Variants in RALGAPB observed in about 807,000 individuals in gnomAD.
RALGAPB encodes the protein Ral GTPase activating protein non-catalytic subunit beta.
A neutral mutation model predicts 161.1 loss-of-function variants in RALGAPB; 25 were observed. The ratio of observed to expected loss-of-function variants is 0.16; its 90% CI spans 0.11 to 0.22. RALGAPB has a LOEUF of 0.22. Among genes scored for constraint, RALGAPB ranks in the 10% least tolerant of loss-of-function variants. The pLI is 1.00. For synonymous variants in RALGAPB, 629 were observed against 626.1 expected (o/e 1.00, Z -0.07); for missense variants, 1,391 against 1,815.2 (o/e 0.77, Z 4.25).
At chr20:38,497,556 C>T (rs372066956) in intron 4 of RALGAPB, 40 bp downstream of exon 4, 4 of 1,569,016 alleles carry the variant, frequency 2.5e-6, no homozygotes, top group African/African-American at 2.8e-5. Flanking sequence ...TTCTGAGCTC[C>T]AAATACAGTT....
chr20:38,550,954 T>C (rs1238764809), intron 20 of RALGAPB, 117 bp from the exon 21 acceptor site: 1 of 1,246,506 alleles, frequency 8.0e-7, no homozygotes, highest in South Asian at 1.5e-5. Context: ...TCTGAGTGAG[T>C]TTTTGTGACA....
At chr20:38,479,655 T>C (rs1342017971) in intron 1 of RALGAPB, among the ~76,000 whole-genome samples, 3 of 152,232 alleles carry the variant, frequency 2.0e-5, no homozygotes, top group African/African-American at 7.2e-5. Flanking sequence ...CCATTATATT[T>C]ACTTCTGGAG....
At chr20:38,569,618 T>G (rs1033867584) in intron 26 of RALGAPB, 3 of 359,744 alleles carry the variant, frequency 8.3e-6, no homozygotes, top group African/African-American at 6.1e-5. Context: ...TGTGTAAATT[T>G]TGTTTTTATT....
chr20:38,500,442 C>T (rs773589273), intron 5 of RALGAPB, among the ~76,000 whole-genome samples: 4 of 152,124 alleles, frequency 2.6e-5, no homozygotes, highest in Non-Finnish European at 4.4e-5. Context: ...TAGAGTGCCA[C>T]GTACTACACC....
intron 1 of RALGAPB, among the ~76,000 whole-genome samples, chr20:38,484,677 A>G (rs560530341): frequency 1.3e-5 from 2 of 152,148 alleles, no homozygotes; most frequent in African/African-American, 2.4e-5. Context: ...CATTCCTTCT[A>G]GGTGACAGCT....
intron 23 of RALGAPB, among the ~76,000 whole-genome samples, chr20:38,562,027 C>CT (rs1482637359): frequency 1.3e-5 from 2 of 152,180 alleles, no homozygotes; most frequent in Non-Finnish European, 2.9e-5. Flanking sequence ...GAATTCTCTT[C>CT]TTTGGCCTAA....
At chr20:38,484,649 C>G (rs1399086177) in intron 1 of RALGAPB, among the ~76,000 whole-genome samples, 1 of 152,134 alleles carries the variant, frequency 6.6e-6, no homozygotes, top group African/African-American at 2.4e-5. Flanking sequence ...ATTGGATTAT[C>G]TGGCAAGTCT....
rs1243086000 is a variant in RALGAPB at position 38,574,914 on chromosome 20, G to C, written c.4432G>C (p.Glu1478Gln). ...NKYRNKQLEPEFYTSLFQEVG... is the reference protein window; with the variant it reads ...NKYRNKQLEPQFYTSLFQEVG... ...GTACCGGAACAAGCAGCTGGAGCCAGAGTTTTATACTTCACTTTTCCAGGA... is the reference window on the plus strand; with the variant it reads ...GTACCGGAACAAGCAGCTGGAGCCACAGTTTTATACTTCACTTTTCCAGGA... The change falls in exon 30 of 30, where the codon GAG becomes CAG. Residue 1478 changes from glutamate (E) to glutamine (Q), a missense_variant. Around this residue, in one of 3 missense-constraint regions of RALGAPB, gnomAD observed 436 missense variants for 527.0 expected, o/e 0.83. Coordinates refer to ENST00000262879, the MANE Select transcript of RALGAPB (RefSeq NM_020336.4). 1 of 1,614,072 alleles carries C rather than the reference G, an allele frequency of 6.2e-7. No homozygotes were observed. The highest frequency in any genetic ancestry group is 1.1e-5 in the South Asian group (1 of 91,078).
At position 38,513,662 on chromosome 20, in the gene RALGAPB, A is replaced by T. The variant is rs550426483; in HGVS notation, c.873-2530A>T. ...AGACTGTCTCAAAAAAAAAAAAAAA[A>T]TTAAATTAAAATATAAATAAACTAT... On this transcript the variant is annotated intron_variant, in intron 6 of 29. Coordinates refer to ENST00000262879, the MANE Select transcript of RALGAPB (RefSeq NM_020336.4). Among the ~76,000 whole-genome samples the T allele has an allele frequency of 3.3e-4, 50 of 151,336 alleles. 5 individuals are homozygous for T. The South Asian group carries it at 1.0e-2, about 30-fold the overall frequency.
Position 38,529,045 on chromosome 20 carries a change from C to T in RALGAPB, c.2051-2122C>T, listed in dbSNP as rs189560574. Among the ~76,000 whole-genome samples the T allele has an allele frequency of 6.6e-5, 10 of 152,112 alleles. No individual in the cohort carries two copies. In the East Asian group the frequency reaches 1.9e-3, roughly 29 times the overall value. On this transcript the variant is annotated intron_variant, in intron 13 of 29. Transcript: ENST00000262879. The stretch of plus-strand genomic sequence containing the variant: ...CAGTGGATTTATTAGTAGAGTTGAC[C>T]CTTGAACAACATGGGTGTTAGTGAT...
At chr20:38,571,913 G>GT (rs1160069449) in intron 28 of RALGAPB, among the ~76,000 whole-genome samples, 1 of 151,968 alleles carries the variant, frequency 6.6e-6, no homozygotes, top group Admixed American at 6.5e-5. Flanking sequence ...CTGGAATGAG[G>GT]TGCTATCTCA....
chr20:38,539,159 TTA>T (rs2086893808), intron 16 of RALGAPB, among the ~76,000 whole-genome samples: 1 of 152,150 alleles, frequency 6.6e-6, no homozygotes, highest in African/African-American at 2.4e-5. Context: ...TGTATGATCT[TTA>T]TATGACTTTA....
chr20:38,529,285 G>A (rs2123170865), intron 13 of RALGAPB, among the ~76,000 whole-genome samples: 1 of 152,226 alleles, frequency 6.6e-6, no homozygotes, highest in East Asian at 1.9e-4. Flanking sequence ...TGTAATCCCA[G>A]CATTTTGGGA....
chr20:38,517,822 G>C lies in RALGAPB; in HGVS notation c.1239G>C (p.Thr413=). The part of the protein sequence containing the change: ...TAHASKVQHQ[T]SSTSPLSSPN... Reference sequence around the variant, plus strand: ...ATGCCTCTAAAGTTCAGCACCAGACGTCCTCCACCTCTCCTCTGTCAAGTC... The same window carrying C: ...ATGCCTCTAAAGTTCAGCACCAGACCTCCTCCACCTCTCCTCTGTCAAGTC... Residue 413 remains threonine (T), a synonymous_variant, in exon 9 of 30, where the codon ACG becomes ACC. Coordinates refer to ENST00000262879, the MANE Select transcript of RALGAPB (RefSeq NM_020336.4). 6.2e-7 allele frequency: 1 copy of C among 1,613,844 alleles called. No individual in the cohort carries two copies. The highest frequency in any genetic ancestry group is 8.5e-7 in the Non-Finnish European group (1 of 1,179,812).
At chr20:38,536,476 C>T (rs980270378) in intron 16 of RALGAPB, among the ~76,000 whole-genome samples, 13 of 152,108 alleles carry the variant, frequency 8.5e-5, no homozygotes, top group Non-Finnish European at 2.9e-5. Context: ...TTCAGTTCTT[C>T]GGGTGTACAC....
chr20:38,544,177 CATTTT>C (rs765941327), intron 18 of RALGAPB, among the ~76,000 whole-genome samples: 2 of 152,122 alleles, frequency 1.3e-5, no homozygotes, highest in Non-Finnish European at 2.9e-5. Flanking sequence ...TTGCCCATTT[CATTTT>C]AATTGTTAAA....
chr20:38,574,632 G>A (rs1601101804), intron 29 of RALGAPB, 142 bp from the exon 30 acceptor site: 4 of 808,472 alleles, frequency 4.9e-6, no homozygotes, highest in Non-Finnish European at 7.9e-6. Context: ...TTAGCACTAT[G>A]TCTATCTCTC....
chr20:38,565,238 T>C lies in RALGAPB; in HGVS notation c.3698-121T>C. On this transcript the variant is annotated intron_variant, in intron 24 of 29. Transcript: ENST00000262879. The stretch of plus-strand genomic sequence containing the variant: ...TTTATTCTTTCATACTAATTGGTTC[T>C]TGTTGAAAACATATATTCTATTTAT... 2.6e-6 allele frequency: 3 copies of C among 1,149,936 alleles called. No individual in the cohort carries two copies. In the South Asian group the frequency reaches 5.6e-5, roughly 22 times the overall value. The allele number at this position is 1,149,936 out of a possible 1,614,324, so 71.2% of individuals were successfully genotyped here.
chr20:38,553,665 C>T (rs534512393), intron 21 of RALGAPB, among the ~76,000 whole-genome samples: 1 of 148,742 alleles, frequency 6.7e-6, no homozygotes, highest in East Asian at 2.0e-4. Context: ...ATTGACTTAG[C>T]TAGGTGCAGT....
Sources: allele counts gnomAD v4.1 joint callset (sites outside exome capture counted in the v4.1 genomes callset), GRCh38; gene constraint gnomAD v4.1.1; regional missense constraint gnomAD v4.1.1; transcripts MANE v1.5; gene names NCBI Gene and HGNC (gene_info 2026-07-23, HGNC 2026-07-21).